Variants in SH3KBP1 observed in about 807,000 individuals in gnomAD.
The protein encoded by SH3KBP1 is SH3 domain containing kinase binding protein 1, also known as SH3 domain-containing kinase-binding protein 1.
A neutral mutation model predicts 50.1 loss-of-function variants in SH3KBP1; 8 were observed. The ratio of observed to expected loss-of-function variants is 0.16; its 90% CI spans 0.09 to 0.29. The LOEUF (loss-of-function observed/expected upper bound fraction) is 0.29, where lower values mean the gene tolerates loss of function less well. Ranked by LOEUF, SH3KBP1 falls within the 10% of genes least tolerant of loss-of-function variation. The pLI is 1.00. For synonymous variants in SH3KBP1, 227 were observed against 218.6 expected (o/e 1.04, Z -0.34); for missense variants, 377 against 535.2 (o/e 0.70, Z 2.92).
At chrX:19,754,407 C>A (rs968236949) in intron 2 of SH3KBP1, among the ~76,000 whole-genome samples, 6 of 112,126 alleles carry the variant, frequency 5.4e-5, no homozygotes, top group Non-Finnish European at 1.1e-4. Flanking sequence ...CAATATCAAC[C>A]AGTTGTTTGG....
intron 5 of SH3KBP1, among the ~76,000 whole-genome samples, chrX:19,686,599 T>C (rs1018592385): frequency 9.0e-6 from 1 of 110,635 alleles, no homozygotes; most frequent in Non-Finnish European, 1.9e-5. Context: ...GCAATCTAGG[T>C]GCTGTCAAAA....
In SH3KBP1 at chrX:19,659,549, T is replaced by C. The variant is rs150939735; in HGVS notation, c.727-14074A>G. Among the ~76,000 whole-genome samples, 445 of 112,104 alleles carry C rather than the reference T, an allele frequency of 4.0e-3. 4 individuals are homozygous for C. The highest frequency in any genetic ancestry group is 0.013 in the African/African-American group (400 of 30,854). The stretch of plus-strand genomic sequence containing the variant: ...TCCCAAAGTGCTGGGATTACAGGCA[T>C]GAGCCGCTGCACCCAGCCAAGGTCC... On this transcript the variant is annotated intron_variant, in intron 6 of 17. Transcript: ENST00000397821.
At chrX:19,750,153 G>A (rs183937261) in intron 2 of SH3KBP1, among the ~76,000 whole-genome samples, 1 of 111,524 alleles carries the variant, frequency 9.0e-6, no homozygotes, top group Non-Finnish European at 1.9e-5. Context: ...TCCACTTCCG[G>A]GTTCAGGCAA....
At chrX:19,858,698 G>C (rs368630692) in intron 1 of SH3KBP1, among the ~76,000 whole-genome samples, 2 of 112,252 alleles carry the variant, frequency 1.8e-5, no homozygotes, top group East Asian at 5.5e-4. Context: ...AGTTCTCCAT[G>C]ATTTGTTATA....
At chrX:19,759,193 T>C (rs1004142172) in intron 2 of SH3KBP1, among the ~76,000 whole-genome samples, 1 of 111,272 alleles carries the variant, frequency 9.0e-6, no homozygotes, top group Non-Finnish European at 1.9e-5. Flanking sequence ...ATTTGACAGA[T>C]AGGGGAAAGT....
chrX:19,553,860 T>G (rs1460460470), intron 13 of SH3KBP1, among the ~76,000 whole-genome samples: 18 of 84,980 alleles, frequency 2.1e-4, no homozygotes, highest in African/African-American at 7.9e-4. Flanking sequence ...ATTATATATA[T>G]TAAAATATAT....
intron 12 of SH3KBP1, among the ~76,000 whole-genome samples, chrX:19,574,968 C>A (rs999584269): frequency 8.9e-6 from 1 of 111,856 alleles, no homozygotes; most frequent in Non-Finnish European, 1.9e-5. Context: ...CCTGCAGCTA[C>A]CTTGATCTTA....
At chrX:19,786,461 G>C (rs147006016) in intron 2 of SH3KBP1, among the ~76,000 whole-genome samples, 2,549 of 111,894 alleles carry the variant, frequency 0.023, 32 homozygotes, top group Non-Finnish European at 0.035. Flanking sequence ...CTGGTCAAGG[G>C]AATTTCATTC....
At chrX:19,836,634 GT>G (rs1383591122) in intron 1 of SH3KBP1, among the ~76,000 whole-genome samples, 1 of 111,687 alleles carries the variant, frequency 9.0e-6, no homozygotes. Context: ...ACAGATGTCG[GT>G]TTGACTTCTG....
intron 1 of SH3KBP1, among the ~76,000 whole-genome samples, chrX:19,873,731 T>C (rs1173749907): frequency 2.8e-5 from 3 of 105,491 alleles, no homozygotes; most frequent in Non-Finnish European, 3.9e-5. Flanking sequence ...TATTTGGGAA[T>C]GATAGTAAGA....
intron 1 of SH3KBP1, among the ~76,000 whole-genome samples, chrX:19,886,132 C>A (rs2069576690): frequency 8.9e-6 from 1 of 112,202 alleles, no homozygotes; most frequent in African/African-American, 3.2e-5. Flanking sequence ...CAACAGATCA[C>A]CACTACTTAG....
At chrX:19,543,735 T>G (rs12013533) in intron 15 of SH3KBP1, among the ~76,000 whole-genome samples, 1 of 109,525 alleles carries the variant, frequency 9.1e-6, no homozygotes. Flanking sequence ...AAAGAGCCAG[T>G]GAAGGGCCAG....
At chrX:19,727,530 C>T (rs2064252201) in intron 3 of SH3KBP1, among the ~76,000 whole-genome samples, 1 of 112,563 alleles carries the variant, frequency 8.9e-6, no homozygotes, top group Non-Finnish European at 1.9e-5. Flanking sequence ...ATTTGTTTAT[C>T]AATTCATCCT....
chrX:19,617,012 A>G (rs2067636745), intron 8 of SH3KBP1, among the ~76,000 whole-genome samples: 2 of 110,804 alleles, frequency 1.8e-5, no homozygotes, highest in Admixed American at 9.6e-5. Flanking sequence ...CATTTCTGAC[A>G]CTCTTTCCTT....
intron 3 of SH3KBP1, among the ~76,000 whole-genome samples, chrX:19,714,112 C>T (rs1470402564): frequency 9.0e-6 from 1 of 111,609 alleles, no homozygotes; most frequent in Non-Finnish European, 1.9e-5. Flanking sequence ...CGCACGTTCT[C>T]ACTTTGTAAG....
intron 6 of SH3KBP1, among the ~76,000 whole-genome samples, chrX:19,652,856 T>TA (rs1408298562): frequency 3.9e-4 from 44 of 112,036 alleles, no homozygotes; most frequent in Admixed American, 1.0e-3. Context: ...TCACCTCTTA[T>TA]TGCACCTTCT....
chrX:19,813,157 AAAAAAG>A (rs2147291925), intron 2 of SH3KBP1, among the ~76,000 whole-genome samples: 1 of 92,795 alleles, frequency 1.1e-5, no homozygotes, highest in African/African-American at 5.4e-5. Flanking sequence ...AACAAACAAA[AAAAAAG>A]AAGAAGAAGA....
intron 2 of SH3KBP1, among the ~76,000 whole-genome samples, chrX:19,786,302 TGAG>T (rs1175595717): frequency 9.0e-6 from 1 of 110,698 alleles, no homozygotes; most frequent in Non-Finnish European, 1.9e-5. Context: ...AAGGGAAGAA[TGAG>T]GAGGAGAGAG....
At chrX:19,801,175 T>C (rs749069846) in intron 2 of SH3KBP1, among the ~76,000 whole-genome samples, 2 of 111,898 alleles carry the variant, frequency 1.8e-5, no homozygotes, top group African/African-American at 6.5e-5. Context: ...ATACGGGCTG[T>C]GAGCAAGGAA....
Sources: allele counts gnomAD v4.1 joint callset (sites outside exome capture counted in the v4.1 genomes callset), GRCh38; gene constraint gnomAD v4.1.1; transcripts MANE v1.5; gene names NCBI Gene and HGNC (gene_info 2026-07-23, HGNC 2026-07-21).